Variants in ATP9A observed in about 807,000 individuals in gnomAD.
ATP9A encodes probable phospholipid-transporting ATPase IIA.
A neutral mutation model predicts 144.1 loss-of-function variants in ATP9A; 52 were observed. The observed-to-expected ratio is 0.36, with a 90% CI of 0.29 to 0.45. The LOEUF is 0.45. Among genes scored for constraint, ATP9A ranks in the 20% least tolerant of loss-of-function variants. The probability of loss-of-function intolerance (pLI) is 1.00; values close to 1 mark genes in which losing one functional copy is unlikely to be tolerated. For synonymous variants in ATP9A, 582 were observed against 557.4 expected (o/e 1.04, Z -0.62); for missense variants, 947 against 1,392.7 (o/e 0.68, Z 5.09).
At chr20:51,688,877 T>C (rs2077535006) in intron 9 of ATP9A, among the ~76,000 whole-genome samples, 187 bp downstream of exon 9, 1 of 152,190 alleles carries the variant, frequency 6.6e-6, no homozygotes, top group African/African-American at 2.4e-5. Flanking sequence ...GGGCTTCTCC[T>C]CCAGGCATCT....
chr20:51,628,952 C>G (rs377126032), intron 16 of ATP9A, 28 bp downstream of exon 16: 1 of 1,588,878 alleles, frequency 6.3e-7, no homozygotes, highest in Admixed American at 1.7e-5. Context: ...CTTCCAAGGC[C>G]TGGTTTAACT....
intron 9 of ATP9A, among the ~76,000 whole-genome samples, chr20:51,688,606 GA>G (rs75323569): frequency 0.24 from 36,096 of 150,008 alleles, 5,035 homozygotes; most frequent in East Asian, 0.48. Flanking sequence ...AAAGAGAAAA[GA>G]AAAAAAAAGA....
chr20:51,670,039 T>C lies in ATP9A; in HGVS notation c.1251A>G (p.Ser417=). ...AAATGTGGCTTTGTACTTCGTCCATTGAGTCGAGGCCGTAGGCTACTGTTC... is the reference window on the plus strand; with the variant it reads ...AAATGTGGCTTTGTACTTCGTCCATCGAGTCGAGGCCGTAGGCTACTGTTC... ...HLGTVAYGLD[S]MDEVQSHIFS... The change falls in exon 13 of 28, where the codon TCA becomes TCG. Residue 417 remains serine, a synonymous_variant. Transcript: ENST00000338821. 1 of 1,614,160 alleles carries C rather than the reference T, an allele frequency of 6.2e-7. No individual in the cohort carries two copies. The highest frequency in any genetic ancestry group is 8.5e-7 in the Non-Finnish European group (1 of 1,180,022).
intron 1 of ATP9A, among the ~76,000 whole-genome samples, chr20:51,738,842 G>T (rs1290916389): frequency 6.6e-6 from 1 of 152,208 alleles, no homozygotes; most frequent in Admixed American, 6.5e-5. Context: ...CAGCACTTTG[G>T]GAGGCCAAGG....
chr20:51,623,579 G>A lies in ATP9A; in HGVS notation c.2017-1407C>T, dbSNP rs567765256. ...GTGGACCACTTGAGGTCAGGAGTTC[G>A]AGACCAGCCTGACCAACATGGAGAA... is the stretch of plus-strand genomic sequence containing the variant. On this transcript the variant is annotated intron_variant, in intron 18 of 27. Coordinates refer to ENST00000338821, the MANE Select transcript of ATP9A (RefSeq NM_006045.3). Among the ~76,000 whole-genome samples the A allele has an allele frequency of 6.6e-3, 999 of 152,186 alleles. 4 individuals are homozygous for A. The highest frequency in any genetic ancestry group is 0.016 in the South Asian group (76 of 4,804).
At chr20:51,656,843 G>T in intron 14 of ATP9A, 95 bp downstream of exon 14, 2 of 1,172,790 alleles carry the variant, frequency 1.7e-6, no homozygotes, top group Non-Finnish European at 2.5e-6. Flanking sequence ...GCTCCTGTCT[G>T]CCCTGACACA....
intron 1 of ATP9A, among the ~76,000 whole-genome samples, chr20:51,744,629 T>C (rs1017938761): frequency 1.3e-5 from 2 of 152,218 alleles, no homozygotes; most frequent in Non-Finnish European, 2.9e-5. Flanking sequence ...AAGGGAACAA[T>C]GTTTCTGAAA....
chr20:51,698,025 G>A (rs1357067595), intron 4 of ATP9A, among the ~76,000 whole-genome samples: 1 of 152,214 alleles, frequency 6.6e-6, no homozygotes, highest in East Asian at 1.9e-4. Flanking sequence ...GCTCAGCACT[G>A]TACAGATTTT....
intron 14 of ATP9A, among the ~76,000 whole-genome samples, chr20:51,649,803 A>T (rs142758592): frequency 7.3e-4 from 110 of 151,712 alleles, no homozygotes; most frequent in African/African-American, 2.5e-3. Flanking sequence ...AGTCCCAGCT[A>T]CTTGGGAGGT....
At chr20:51,748,948 T>TAGATAGATAGACAGACAGAC (rs765791447) in intron 1 of ATP9A, among the ~76,000 whole-genome samples, 2,857 of 137,788 alleles carry the variant, frequency 0.021, 38 homozygotes, top group Non-Finnish European at 0.026. Context: ...GATAGATAGA[T>TAGATAGATAGACAGACAGAC]AGACAGACAG....
intron 24 of ATP9A, among the ~76,000 whole-genome samples, chr20:51,608,891 A>G (rs1055515630): frequency 1.3e-5 from 2 of 151,084 alleles, no homozygotes; most frequent in African/African-American, 4.9e-5. Flanking sequence ...AGTGCTAAAG[A>G]GAAAAATATA....
intron 15 of ATP9A, among the ~76,000 whole-genome samples, chr20:51,637,735 C>T (rs1233725642): frequency 1.3e-5 from 2 of 150,590 alleles, no homozygotes; most frequent in Non-Finnish European, 3.0e-5. Context: ...TTTTGGGGAA[C>T]ACATGGTGTT....
intron 14 of ATP9A, among the ~76,000 whole-genome samples, chr20:51,644,968 A>T (rs939293033): frequency 6.6e-6 from 1 of 152,220 alleles, no homozygotes; most frequent in African/African-American, 2.4e-5. Flanking sequence ...AGTGGCTTCC[A>T]GGGCTGGGCA....
intron 15 of ATP9A, among the ~76,000 whole-genome samples, chr20:51,635,750 G>GA (rs1568795670): frequency 7.6e-6 from 1 of 131,196 alleles, no homozygotes; most frequent in East Asian, 2.3e-4. Context: ...AGGAAGGAAG[G>GA]AAAAAGAGAA....
At chr20:51,767,226 C>T (rs1601154296) in intron 1 of ATP9A, among the ~76,000 whole-genome samples, 1 of 152,062 alleles carries the variant, frequency 6.6e-6, no homozygotes, top group Admixed American at 6.6e-5. Flanking sequence ...CGAGGAAGGG[C>T]GGAGCAGAGC....
At chr20:51,746,694 C>T (rs1334846390) in intron 1 of ATP9A, among the ~76,000 whole-genome samples, 1 of 152,186 alleles carries the variant, frequency 6.6e-6, no homozygotes, top group African/African-American at 2.4e-5. Context: ...AAAAAATGGG[C>T]CGGACATGGT....
chr20:51,755,827 C>T (rs1414955492), intron 1 of ATP9A, among the ~76,000 whole-genome samples: 3 of 151,576 alleles, frequency 2.0e-5, no homozygotes, highest in Non-Finnish European at 4.4e-5. Context: ...TGGTGGTGGG[C>T]GCCTGTAGTC....
intron 14 of ATP9A, among the ~76,000 whole-genome samples, chr20:51,646,834 T>G (rs1033445104): frequency 1.3e-5 from 2 of 152,192 alleles, no homozygotes; most frequent in African/African-American, 2.4e-5. Flanking sequence ...AGGTCACTTC[T>G]TGCCAGGCGC....
At chr20:51,676,410 C>T (rs112053322) in intron 9 of ATP9A, among the ~76,000 whole-genome samples, 47 of 151,574 alleles carry the variant, frequency 3.1e-4, no homozygotes, top group Admixed American at 3.9e-4. Context: ...CATGTTCAAG[C>T]GATTCTCCTG....
Sources: allele counts gnomAD v4.1 joint callset (sites outside exome capture counted in the v4.1 genomes callset), GRCh38; gene constraint gnomAD v4.1.1; transcripts MANE v1.5; gene names NCBI Gene and HGNC (gene_info 2026-07-23, HGNC 2026-07-21).